The following GRM8 variants were observed in gnomAD, a reference collection of about 807,000 sequenced individuals.
The protein encoded by GRM8 is metabotropic glutamate receptor 8.
In GRM8, 47 loss-of-function variants were observed where a neutral mutation model predicts 87.2. The observed-to-expected ratio is 0.54, with a 90% CI of 0.43 to 0.69. The LOEUF is 0.69. Among genes scored for constraint, GRM8 ranks in the 30% least tolerant of loss-of-function variants. The pLI is 0.00. For synonymous variants in GRM8, 396 were observed against 404.5 expected (o/e 0.98, Z 0.25); for missense variants, 1,019 against 1,139.2 (o/e 0.89, Z 1.52).
chr7:127,216,105 G>A (rs1796511160), intron 2 of GRM8, among the ~76,000 whole-genome samples: 1 of 152,132 alleles, frequency 6.6e-6, no homozygotes, highest in African/African-American at 2.4e-5. Context: ...CAAAGTGCTA[G>A]GCAAACAAAA....
At chr7:127,128,012 GC>G (rs2133210703) in intron 2 of GRM8, among the ~76,000 whole-genome samples, 1 of 152,104 alleles carries the variant, frequency 6.6e-6, no homozygotes, top group South Asian at 2.1e-4. Flanking sequence ...TTAGGCCTAT[GC>G]CCCATTAGCT....
intron 7 of GRM8, among the ~76,000 whole-genome samples, chr7:126,763,472 T>C (rs62479782): frequency 0.063 from 4,890 of 78,180 alleles, 323 homozygotes; most frequent in African/African-American, 0.23. Flanking sequence ...TATATATATA[T>C]ACACACACAC....
intron 6 of GRM8, among the ~76,000 whole-genome samples, chr7:126,776,638 AG>A (rs1168544277): frequency 6.6e-6 from 1 of 152,238 alleles, no homozygotes; most frequent in Non-Finnish European, 1.5e-5. Flanking sequence ...GCATAATCAA[AG>A]AAGCTACGTT....
chr7:126,440,367 C>A (rs937693686), intron 10 of GRM8, among the ~76,000 whole-genome samples: 1 of 143,268 alleles, frequency 7.0e-6, no homozygotes, highest in South Asian at 2.4e-4. Context: ...GCCGAGATCG[C>A]GCCACTGCAC....
intron 6 of GRM8, among the ~76,000 whole-genome samples, chr7:126,776,623 C>A (rs1468355205): frequency 6.6e-6 from 1 of 152,146 alleles, no homozygotes; most frequent in Non-Finnish European, 1.5e-5. Context: ...TTATTTGCAA[C>A]ACTGGCATAA....
At chr7:127,085,116 T>C (rs1318352339) in intron 3 of GRM8, among the ~76,000 whole-genome samples, 1 of 152,218 alleles carries the variant, frequency 6.6e-6, no homozygotes, top group Non-Finnish European at 1.5e-5. Flanking sequence ...TCCAGCTTCA[T>C]CCACGTCCCT....
chr7:127,160,883 T>C lies in GRM8; in HGVS notation c.511-54171A>G, dbSNP rs544416050. Among the ~76,000 whole-genome samples the C allele has an allele frequency of 3.1e-3, 457 of 148,786 alleles. 2 individuals are homozygous for C. The highest frequency in any genetic ancestry group is 0.011 in the African/African-American group (442 of 40,290). On this transcript the variant is annotated intron_variant, in intron 2 of 10. Transcript: ENST00000339582. Reference sequence around the variant, plus strand: ...ACCCACCTCGACTGAGCTCTCTGGCTCCCAGCCTATTCCCAGGAAACAGAA... The same window carrying C: ...ACCCACCTCGACTGAGCTCTCTGGCCCCCAGCCTATTCCCAGGAAACAGAA...
chr7:127,035,204 A>G (rs1319606419), intron 3 of GRM8, among the ~76,000 whole-genome samples: 1 of 152,216 alleles, frequency 6.6e-6, no homozygotes, highest in Non-Finnish European at 1.5e-5. Flanking sequence ...ATGTCAAAAC[A>G]TGACAAGATC....
chr7:126,755,115 T>C (rs1398845672), intron 7 of GRM8, among the ~76,000 whole-genome samples: 1 of 151,944 alleles, frequency 6.6e-6, no homozygotes, highest in Non-Finnish European at 1.5e-5. Context: ...GAAAGTATTA[T>C]GCATACATTG....
intron 7 of GRM8, among the ~76,000 whole-genome samples, chr7:126,647,068 G>C (rs1190802327): frequency 6.6e-6 from 1 of 152,070 alleles, no homozygotes; most frequent in African/African-American, 2.4e-5. Flanking sequence ...ATGCTGGAAG[G>C]TCTGCAAACT....
At chr7:126,449,800 G>A (rs1378303591) in intron 9 of GRM8, among the ~76,000 whole-genome samples, 1 of 151,802 alleles carries the variant, frequency 6.6e-6, no homozygotes, top group Non-Finnish European at 1.5e-5. Context: ...AATGATATTG[G>A]ATATGTCAAT....
chr7:127,140,263 C>T (rs975331227), intron 2 of GRM8, among the ~76,000 whole-genome samples: 4 of 151,922 alleles, frequency 2.6e-5, no homozygotes, highest in Non-Finnish European at 5.9e-5. Context: ...TAGTGGCATC[C>T]CTGGTCTCTA....
At chr7:127,249,918 G>A (rs1283629776) in intron 1 of GRM8, among the ~76,000 whole-genome samples, 1 of 152,174 alleles carries the variant, frequency 6.6e-6, no homozygotes, top group African/African-American at 2.4e-5. Flanking sequence ...TCTTGGCTGT[G>A]GGTCCAGGAA....
At chr7:126,941,380 G>A (rs1806910378) in intron 3 of GRM8, among the ~76,000 whole-genome samples, 1 of 151,786 alleles carries the variant, frequency 6.6e-6, no homozygotes, top group African/African-American at 2.4e-5. Context: ...GGCCGAAGCG[G>A]GTGGATCATG....
intron 3 of GRM8, among the ~76,000 whole-genome samples, chr7:126,967,138 G>T (rs909678181): frequency 1.3e-5 from 2 of 149,204 alleles, no homozygotes; most frequent in African/African-American, 5.0e-5. Flanking sequence ...GTAGTTGTTG[G>T]CACTGCCTTG....
At chr7:126,736,213 C>T (rs1352404869) in intron 7 of GRM8, among the ~76,000 whole-genome samples, 2 of 152,030 alleles carry the variant, frequency 1.3e-5, no homozygotes, top group Non-Finnish European at 1.5e-5. Context: ...GAAATATAAC[C>T]TAACTTAACA....
At chr7:126,644,075 T>C (rs915709300) in intron 7 of GRM8, among the ~76,000 whole-genome samples, 27 of 152,254 alleles carry the variant, frequency 1.8e-4, no homozygotes, top group African/African-American at 6.5e-4. Flanking sequence ...AATATGCTTC[T>C]AAAGTCGATG....
intron 3 of GRM8, among the ~76,000 whole-genome samples, chr7:127,051,361 C>T (rs551878376): frequency 2.6e-5 from 4 of 151,776 alleles, no homozygotes; most frequent in Non-Finnish European, 5.9e-5. Context: ...AAAACCTGCA[C>T]ACGTACCCTG....
At chr7:126,962,846 A>G (rs956864193) in intron 3 of GRM8, among the ~76,000 whole-genome samples, 1 of 152,192 alleles carries the variant, frequency 6.6e-6, no homozygotes, top group Non-Finnish European at 1.5e-5. Context: ...GTTCCCGTGC[A>G]CTTACCCGCA....
Sources: allele counts gnomAD v4.1 joint callset (sites outside exome capture counted in the v4.1 genomes callset), GRCh38; gene constraint gnomAD v4.1.1; transcripts MANE v1.5; gene names NCBI Gene and HGNC (gene_info 2026-07-23, HGNC 2026-07-21).